Variants in TAB2 observed in about 807,000 individuals in gnomAD.
TAB2 encodes the protein TGF-beta-activated kinase 1 and MAP3K7-binding protein 2.
Under a neutral mutation model 65.0 loss-of-function variants are expected in TAB2, and 3 were observed. That is an observed-to-expected ratio of 0.05 (90% CI 0.02 to 0.12). The LOEUF (loss-of-function observed/expected upper bound fraction) is 0.12. Among genes scored for constraint, TAB2 ranks in the 10% least tolerant of loss-of-function variants. The pLI, the probability that TAB2 is intolerant of heterozygous loss-of-function variation, is 1.00. For missense variants in TAB2, 623 were observed against 840.3 expected (o/e 0.74, Z 3.20); for synonymous variants, 298 against 285.1 (o/e 1.05, Z -0.46).
At chr6:149,267,427 C>G (rs1483385635) in intron 1 of TAB2, among the ~76,000 whole-genome samples, 1 of 152,128 alleles carries the variant, frequency 6.6e-6, no homozygotes, top group East Asian at 1.9e-4. Flanking sequence ...TGATTTGGAG[C>G]TGAGGAAATA....
At chr6:149,289,399 A>AG (rs1449131141) in intron 1 of TAB2, among the ~76,000 whole-genome samples, 1 of 151,184 alleles carries the variant, frequency 6.6e-6, no homozygotes, top group Non-Finnish European at 1.5e-5. Flanking sequence ...GTCTCTAAAA[A>AG]AAAAAAAGGC....
At chr6:149,261,136 A>C (rs1196459871) in intron 1 of TAB2, among the ~76,000 whole-genome samples, 1 of 152,192 alleles carries the variant, frequency 6.6e-6, no homozygotes, top group Non-Finnish European at 1.5e-5. Context: ...ATTTCAAAAG[A>C]GCTAACACAC....
At chr6:149,347,786 T>C (rs1780351936) in intron 1 of TAB2, among the ~76,000 whole-genome samples, 1 of 152,106 alleles carries the variant, frequency 6.6e-6, no homozygotes, top group African/African-American at 2.4e-5. Flanking sequence ...TAAAGTTAAT[T>C]AAATCTGAAG....
At chr6:149,345,204 CTTT>C (rs1251642545) in intron 1 of TAB2, among the ~76,000 whole-genome samples, 1 of 152,036 alleles carries the variant, frequency 6.6e-6, no homozygotes, top group African/African-American at 2.4e-5. Flanking sequence ...CACCTGGCTT[CTTT>C]GTTTTAACCA....
Position 149,379,352 on chromosome 6 carries a change from G to T in TAB2, c.1437G>T (p.Gly479=). The change falls in exon 3 of 7, where the codon GGG becomes GGT. Residue 479 remains glycine (G), a synonymous_variant. Coordinates refer to ENST00000637181, the MANE Select transcript of TAB2 (RefSeq NM_001292034.3). ...ATAAGCCCCCTGCAGTTTCACCAGG[G>T]GTGGTGTCCCCTACCTTTGAACTTA... ...SPNKPPAVSP[G]VVSPTFELTN... 4 of 1,614,130 alleles carry T rather than the reference G, an allele frequency of 2.5e-6. No homozygotes were observed. Among genetic ancestry groups the T allele is most frequent in the Non-Finnish European group, 1.7e-6 (2 of 1,180,024 alleles).
intron 1 of TAB2, among the ~76,000 whole-genome samples, chr6:149,306,409 G>A (rs948546817): frequency 6.6e-6 from 1 of 151,934 alleles, no homozygotes; most frequent in Non-Finnish European, 1.5e-5. Context: ...AATTAGCAGG[G>A]TGTGGTGGCG....
intron 1 of TAB2, among the ~76,000 whole-genome samples, chr6:149,228,437 G>T (rs609632): frequency 0.084 from 12,747 of 152,180 alleles, 710 homozygotes; most frequent in Middle Eastern, 0.14. Context: ...AAGAATGGAA[G>T]AGTGCATTAT....
At chr6:149,343,110 C>A (rs1057445309) in intron 1 of TAB2, among the ~76,000 whole-genome samples, 15 of 151,384 alleles carry the variant, frequency 9.9e-5, no homozygotes, top group Non-Finnish European at 1.3e-4. Context: ...ATAAACATAC[C>A]AAAAAAAATT....
chr6:149,365,134 A>G (rs894677802), intron 1 of TAB2, among the ~76,000 whole-genome samples: 3 of 152,172 alleles, frequency 2.0e-5, no homozygotes, highest in Non-Finnish European at 4.4e-5. Context: ...TGCTGCAAAC[A>G]TTTCATAAAG....
chr6:149,351,560 G>GTGC (rs1780491829), intron 1 of TAB2, among the ~76,000 whole-genome samples: 1 of 152,126 alleles, frequency 6.6e-6, no homozygotes, highest in African/African-American at 2.4e-5. Context: ...TACTTACTAT[G>GTGC]TGCTCTTTTT....
At chr6:149,404,964 A>G (rs1782613990) in intron 6 of TAB2, among the ~76,000 whole-genome samples, 1 of 152,246 alleles carries the variant, frequency 6.6e-6, no homozygotes, top group Non-Finnish European at 1.5e-5. Flanking sequence ...AATCATCAGC[A>G]GTGAAAAGGC....
intron 1 of TAB2, among the ~76,000 whole-genome samples, chr6:149,330,119 C>T (rs947815315): frequency 6.6e-6 from 1 of 151,460 alleles, no homozygotes; most frequent in Admixed American, 6.6e-5. Flanking sequence ...CCAGTATAAT[C>T]CCCTTGAGGT....
intron 1 of TAB2, among the ~76,000 whole-genome samples, chr6:149,340,315 A>C (rs1287489368): frequency 6.6e-6 from 1 of 152,194 alleles, no homozygotes; most frequent in African/African-American, 2.4e-5. Flanking sequence ...TAGAATGCAG[A>C]GTGTTGACCG....
intron 1 of TAB2, among the ~76,000 whole-genome samples, chr6:149,236,838 A>G (rs1277362581): frequency 6.6e-6 from 1 of 152,184 alleles, no homozygotes; most frequent in African/African-American, 2.4e-5. Context: ...CAGCATCAAT[A>G]GGAGGGACAT....
intron 1 of TAB2, among the ~76,000 whole-genome samples, chr6:149,328,979 A>G (rs1371804512): frequency 1.3e-5 from 2 of 152,186 alleles, no homozygotes; most frequent in African/African-American, 4.8e-5. Context: ...ACCATGCATG[A>G]AAGATGGAGG....
chr6:149,326,057 T>TA (rs1297480652), intron 1 of TAB2, among the ~76,000 whole-genome samples: 1 of 152,218 alleles, frequency 6.6e-6, no homozygotes, highest in African/African-American at 2.4e-5. Flanking sequence ...TAACAGCAGC[T>TA]ATAGCAATGG....
At chr6:149,248,696 A>G (rs1777791801) in intron 1 of TAB2, among the ~76,000 whole-genome samples, 1 of 152,162 alleles carries the variant, frequency 6.6e-6, no homozygotes, top group African/African-American at 2.4e-5. Flanking sequence ...TAACGTCAGC[A>G]AGAGAAGTCA....
chr6:149,242,677 C>T (rs1486989461), intron 1 of TAB2, among the ~76,000 whole-genome samples: 5 of 152,146 alleles, frequency 3.3e-5, no homozygotes, highest in South Asian at 2.1e-4. Flanking sequence ...TTGTTGGCAG[C>T]CCCAAAGTCT....
intron 1 of TAB2, among the ~76,000 whole-genome samples, chr6:149,229,548 T>C (rs1777359138): frequency 1.3e-5 from 2 of 152,134 alleles, no homozygotes; most frequent in Non-Finnish European, 2.9e-5. Flanking sequence ...CTGTGCAGAA[T>C]GAGCAGGCCA....
Sources: allele counts gnomAD v4.1 joint callset (sites outside exome capture counted in the v4.1 genomes callset), GRCh38; gene constraint gnomAD v4.1.1; transcripts MANE v1.5; gene names NCBI Gene and HGNC (gene_info 2026-07-23, HGNC 2026-07-21).